Variants in RASAL1 observed in about 807,000 individuals in gnomAD.
RASAL1 encodes rasGAP-activating-like protein 1.
In RASAL1, 72 loss-of-function variants were observed where a neutral mutation model predicts 96.6. The observed-to-expected ratio is 0.75, with a 90% confidence interval of 0.62 to 0.91. RASAL1 has a LOEUF of 0.91. Ranked by LOEUF, RASAL1 falls within the 40% of genes least tolerant of loss-of-function variation. The probability of loss-of-function intolerance (pLI) is 0.00; values close to 1 mark genes in which losing one functional copy is unlikely to be tolerated. For synonymous variants in RASAL1, 405 were observed against 430.4 expected (o/e 0.94, Z 0.73); for missense variants, 1,016 against 1,072.5 (o/e 0.95, Z 0.74).
intron 7 of RASAL1, among the ~76,000 whole-genome samples, chr12:113,118,294 C>G (rs1951164316): frequency 6.6e-6 from 1 of 152,194 alleles, no homozygotes; most frequent in East Asian, 1.9e-4. Flanking sequence ...TTGCTTAAGG[C>G]TGCAGTTTCC....
In RASAL1 at chr12:113,121,658, A is replaced by G; in HGVS notation, c.299-20T>C. 1 of 1,613,908 alleles carries G rather than the reference A, an allele frequency of 6.2e-7. No individual in the cohort carries two copies. The highest frequency in any genetic ancestry group is 1.1e-5 in the South Asian group (1 of 91,080). ...CAATCCCTGAAGGGCACAGGCACTA[A>G]CATTTATGAAGCGCCTACCATGTAC... On this transcript the variant is annotated intron_variant, in intron 4 of 20. Transcript: ENST00000548055.
At chr12:113,101,108 T>G (rs1284661459) in intron 19 of RASAL1, among the ~76,000 whole-genome samples, 1 of 152,180 alleles carries the variant, frequency 6.6e-6, no homozygotes, top group Non-Finnish European at 1.5e-5. Context: ...ACCATTATTA[T>G]CCCCCTTTTC....
intron 12 of RASAL1, among the ~76,000 whole-genome samples, chr12:113,113,929 A>G (rs1254864535): frequency 6.6e-6 from 1 of 152,188 alleles, no homozygotes; most frequent in Non-Finnish European, 1.5e-5. Context: ...AATAATAAAA[A>G]TCGCTAATGT....
At chr12:113,124,769 A>G (rs1951422306) in intron 4 of RASAL1, among the ~76,000 whole-genome samples, 1 of 152,192 alleles carries the variant, frequency 6.6e-6, no homozygotes, top group Admixed American at 6.5e-5. Flanking sequence ...GGCCCTCATG[A>G]AATAGGATTA....
chr12:113,131,073 A>G (rs924406439), intron 1 of RASAL1, 132 bp from the exon 2 acceptor site: 9 of 648,020 alleles, frequency 1.4e-5, no homozygotes, highest in Non-Finnish European at 2.4e-5. Context: ...TCACACAGCA[A>G]GTCCAGCTCA....
Position 113,105,749 on chromosome 12 carries a change from C to A in RASAL1, c.1795G>T (p.Glu599Ter), listed in dbSNP as rs935661035. The part of the protein sequence containing the change: ...FKKRYVWLSG[E>*]TLSFSKSPEW... ...GGACTCTTGGAGAAGGAGAGGGTCTCCCCGCTGAGCCAGACGTAGCGCTTC... is the reference window on the plus strand; with the variant it reads ...GGACTCTTGGAGAAGGAGAGGGTCTACCCGCTGAGCCAGACGTAGCGCTTC... Residue 599 changes from glutamate to a stop codon, truncating the protein, a stop_gained, in exon 16 of 21, where the codon GAG (glutamate) becomes TAG (stop). Transcript: ENST00000548055. LOFTEE classifies it high-confidence loss of function. 1.2e-6 allele frequency: 2 copies of A among 1,612,872 alleles called. No individual in the cohort carries two copies. Among genetic ancestry groups the A allele is most frequent in the Non-Finnish European group, 1.7e-6 (2 of 1,179,254 alleles).
rs756650228 is a variant in RASAL1 at position 113,128,157 on chromosome 12, G to A, written c.144C>T (p.Ser48=). 1 of 1,613,484 alleles carries A rather than the reference G, an allele frequency of 6.2e-7. No homozygotes were observed. Among genetic ancestry groups the A allele is most frequent in the Non-Finnish European group, 8.5e-7 (1 of 1,179,864 alleles). ...VVARTATVWR[S]LGPFWGEEYT... ...ACTCCTCCCCCCAGAAGGGGCCCAGGCTCCTCCAGACAGTAGCTGTCCTGC... is the reference window on the plus strand; with the variant it reads ...ACTCCTCCCCCCAGAAGGGGCCCAGACTCCTCCAGACAGTAGCTGTCCTGC... Residue 48 remains serine (S), a synonymous_variant, in exon 3 of 21, where the codon AGC becomes AGT. Coordinates refer to ENST00000548055, the MANE Select transcript of RASAL1 (RefSeq NM_001301202.2).
chr12:113,102,467 A>G (rs960737744), intron 18 of RASAL1, among the ~76,000 whole-genome samples: 1 of 152,204 alleles, frequency 6.6e-6, no homozygotes, highest in African/African-American at 2.4e-5. Flanking sequence ...CTGAGGCAGG[A>G]GAATCTCTTG....
intron 13 of RASAL1, among the ~76,000 whole-genome samples, chr12:113,109,773 A>G (rs1950802676): frequency 6.6e-6 from 1 of 152,088 alleles, no homozygotes; most frequent in Non-Finnish European, 1.5e-5. Flanking sequence ...CTTCCCCTCC[A>G]TCTGGAGCCC....
chr12:113,103,348 G>A (rs1439430448), intron 18 of RASAL1, among the ~76,000 whole-genome samples: 5 of 152,060 alleles, frequency 3.3e-5, no homozygotes, highest in African/African-American at 7.2e-5. Context: ...GCTCAGGCCT[G>A]TAATCCCAAC....
At chr12:113,120,984 T>C (rs1022572118) in intron 5 of RASAL1, among the ~76,000 whole-genome samples, 3 of 152,106 alleles carry the variant, frequency 2.0e-5, no homozygotes, top group Non-Finnish European at 4.4e-5. Flanking sequence ...TGGTAGGAAA[T>C]AGAAGTGATT....
At chr12:113,131,600 C>G (rs1951711958) in intron 1 of RASAL1, among the ~76,000 whole-genome samples, 1 of 152,214 alleles carries the variant, frequency 6.6e-6, no homozygotes, top group South Asian at 2.1e-4. Context: ...CCCTCGAAAT[C>G]TCTTAAGATG....
chr12:113,111,694 A>G (rs1348442165), intron 13 of RASAL1, among the ~76,000 whole-genome samples: 1 of 152,130 alleles, frequency 6.6e-6, no homozygotes. Context: ...CCTGGCTTCA[A>G]GCGATTCTCC....
At chr12:113,105,987 G>T in intron 15 of RASAL1, 101 bp from the exon 16 acceptor site, 1 of 1,241,492 alleles carries the variant, frequency 8.1e-7, no homozygotes. Flanking sequence ...GGACGGGCAT[G>T]GTTCTCTGCT....
chr12:113,107,290 TAG>T, intron 14 of RASAL1, 49 bp from the exon 15 acceptor site: 1 of 1,521,530 alleles, frequency 6.6e-7, no homozygotes, highest in Non-Finnish European at 8.8e-7. Flanking sequence ...CAGCAGAGGG[TAG>T]GGCCCCTCCT....
chr12:113,108,187 G>A lies in RASAL1; in HGVS notation c.1410C>T (p.Phe470=), dbSNP rs766068261. 2.2e-5 allele frequency: 35 copies of A among 1,613,316 alleles called. 1 individual carries two copies. The East Asian group carries it at 7.6e-4, about 35-fold the overall frequency. ...GGATGGCAGGTGCGAAGAATCGCAA[G>A]AAGAGAAATCCACTGATGGCCAGGT... ...VKYLAISGFL[F]LRFFAPAILT... is the part of the protein sequence containing the mutation. Residue 470 remains phenylalanine, a synonymous_variant, in exon 14 of 21, where the codon TTC becomes TTT. Coordinates refer to ENST00000548055, the MANE Select transcript of RASAL1 (RefSeq NM_001301202.2).
rs756674672 is a variant in RASAL1 at position 113,108,075 on chromosome 12, T to C, written c.1512+10A>G. 15 of 1,606,858 alleles carry C rather than the reference T, an allele frequency of 9.3e-6. 1 individual carries two copies. Among genetic ancestry groups the C allele is most frequent in the South Asian group, 2.2e-5 (2 of 89,986 alleles). Reference sequence around the variant, plus strand: ...AAGTACCTAGGATGGGGGAAACCCATGGCTGGCACCTTGGCAAGCAACAGC... The same window carrying C: ...AAGTACCTAGGATGGGGGAAACCCACGGCTGGCACCTTGGCAAGCAACAGC... On this transcript the variant is annotated intron_variant, in intron 14 of 20. Transcript: ENST00000548055.
chr12:113,134,772 G>GGGA (rs1951849670), intron 1 of RASAL1, among the ~76,000 whole-genome samples: 1 of 152,152 alleles, frequency 6.6e-6, no homozygotes, highest in Non-Finnish European at 1.5e-5. Context: ...CACCTGGCTG[G>GGGA]GGAGGGGGTC....
At chr12:113,104,588 G>A (rs973404012) in intron 16 of RASAL1, among the ~76,000 whole-genome samples, 5 of 152,086 alleles carry the variant, frequency 3.3e-5, no homozygotes, top group Admixed American at 6.6e-5. Context: ...TGCTACCTCC[G>A]CCTCCCAGGT....
Sources: allele counts gnomAD v4.1 joint callset (sites outside exome capture counted in the v4.1 genomes callset), GRCh38; gene constraint gnomAD v4.1.1; transcripts MANE v1.5; gene names NCBI Gene and HGNC (gene_info 2026-07-23, HGNC 2026-07-21).